Variants in PLEKHA1 observed in about 807,000 individuals in gnomAD.
PLEKHA1 encodes the protein pleckstrin homology domain-containing family A member 1.
In PLEKHA1, 34 loss-of-function variants were observed where a neutral mutation model predicts 52.0. The ratio of observed to expected loss-of-function variants is 0.65; its 90% confidence interval spans 0.50 to 0.87. The LOEUF (loss-of-function observed/expected upper bound fraction) is 0.87. PLEKHA1 is among the 40% of genes least tolerant of loss of function. The pLI is 0.00. For synonymous variants in PLEKHA1, 163 were observed against 170.7 expected, an observed-to-expected ratio of 0.95 and a Z score of 0.35; for missense variants, 497 against 504.2, an observed-to-expected ratio of 0.99 and a Z score of 0.14.
In PLEKHA1 at chr10:122,417,931, T is replaced by C; in HGVS notation, c.644T>C (p.Leu215Ser). 1 of 1,611,948 alleles carries C rather than the reference T, an allele frequency of 6.2e-7. No individual in the cohort carries two copies. The highest frequency in any genetic ancestry group is 8.5e-7 in the Non-Finnish European group (1 of 1,178,426). Reference sequence around the variant, plus strand: ...AACTGGAAGAGAAGATATTTTCAATTGGATGAAAACACAATAGGCTACTTC... The same window carrying C: ...AACTGGAAGAGAAGATATTTTCAATCGGATGAAAACACAATAGGCTACTTC... ...MKNWKRRYFQ[L>S]DENTIGYFKS... The change falls in exon 8 of 12, where the codon TTG (leucine) becomes TCG (serine). Residue 215 changes from leucine to serine, a missense_variant. Leu to Ser is a moderately radical substitution (Grantham distance 145). Coordinates refer to ENST00000368990, the MANE Select transcript of PLEKHA1 (RefSeq NM_001001974.4).
At chr10:122,391,070 C>T (rs2421019) in intron 1 of PLEKHA1, among the ~76,000 whole-genome samples, 47,387 of 151,572 alleles carry the variant, frequency 0.31, 8,023 homozygotes, top group Non-Finnish European at 0.4. Flanking sequence ...TCAAAGTTCT[C>T]GTTGACCATT....
At chr10:122,428,340 G>A in intron 11 of PLEKHA1, 1 of 1,545,878 alleles carries the variant, frequency 6.5e-7, no homozygotes, top group Non-Finnish European at 8.7e-7. Context: ...GCTGGTGAAT[G>A]CAGCACGTAT....
At chr10:122,392,766 C>T (rs962387088) in intron 1 of PLEKHA1, among the ~76,000 whole-genome samples, 2 of 152,100 alleles carry the variant, frequency 1.3e-5, no homozygotes, top group African/African-American at 4.8e-5. Context: ...CAGAGCCTAG[C>T]ATGTAGCAAG....
chr10:122,377,636 T>C (rs1448456431), intron 1 of PLEKHA1, among the ~76,000 whole-genome samples: 1 of 152,218 alleles, frequency 6.6e-6, no homozygotes, highest in East Asian at 1.9e-4. Flanking sequence ...GGGATGTTTT[T>C]ATGTAAACAT....
intron 1 of PLEKHA1, among the ~76,000 whole-genome samples, chr10:122,392,688 A>ATG (rs2096793298): frequency 6.6e-6 from 1 of 152,130 alleles, no homozygotes; most frequent in Non-Finnish European, 1.5e-5. Flanking sequence ...TCTGCTGGGG[A>ATG]TGATTATGCC....
intron 1 of PLEKHA1, among the ~76,000 whole-genome samples, chr10:122,391,956 TAA>T (rs2133980445): frequency 6.6e-6 from 1 of 152,288 alleles, no homozygotes; most frequent in Admixed American, 6.5e-5. Flanking sequence ...CACTGTAAGT[TAA>T]ATTTACCTTG....
intron 4 of PLEKHA1, 44 bp downstream of exon 4, chr10:122,400,432 T>C: frequency 6.6e-7 from 1 of 1,506,298 alleles, no homozygotes; most frequent in Non-Finnish European, 9.0e-7. Flanking sequence ...CTGATATAAT[T>C]GTATCATATT....
At chr10:122,375,847 T>A (rs1425517849) in intron 1 of PLEKHA1, among the ~76,000 whole-genome samples, 1 of 152,222 alleles carries the variant, frequency 6.6e-6, no homozygotes, top group East Asian at 1.9e-4. Context: ...GTTTTCTTAT[T>A]TTACAATTGA....
At chr10:122,377,758 A>G (rs1173203227) in intron 1 of PLEKHA1, among the ~76,000 whole-genome samples, 1 of 152,084 alleles carries the variant, frequency 6.6e-6, no homozygotes, top group Non-Finnish European at 1.5e-5. Flanking sequence ...CTAATAAGGG[A>G]TATGTGAGTT....
At chr10:122,424,364 T>G in intron 9 of PLEKHA1, 101 bp downstream of exon 9, 1 of 1,315,756 alleles carries the variant, frequency 7.6e-7, no homozygotes, top group Non-Finnish European at 1.0e-6. Context: ...TCCATATTAA[T>G]TGTAGTTATT....
chr10:122,415,480 A>G (rs1449592324), intron 6 of PLEKHA1, among the ~76,000 whole-genome samples: 1 of 152,228 alleles, frequency 6.6e-6, no homozygotes, highest in Admixed American at 6.5e-5. Flanking sequence ...GGTTGTGCCA[A>G]TGTCCATTTC....
At chr10:122,415,513 C>T (rs985994971) in intron 6 of PLEKHA1, among the ~76,000 whole-genome samples, 13 of 152,164 alleles carry the variant, frequency 8.5e-5, no homozygotes, top group Non-Finnish European at 1.6e-4. Context: ...AATGTTACGC[C>T]GTTTCCCTTT....
intron 5 of PLEKHA1, among the ~76,000 whole-genome samples, chr10:122,410,124 T>C (rs935777574): frequency 1.3e-5 from 2 of 152,232 alleles, no homozygotes; most frequent in African/African-American, 4.8e-5. Context: ...ATATCAACTT[T>C]CCCTTTAACT....
chr10:122,433,498 C>T (rs368871519), downstream of PLEKHA1: 3 of 150,194 alleles, frequency 2.0e-5, no homozygotes, highest in East Asian at 2.0e-4. Context: ...GCATTCCGCA[C>T]CTCCTCTCCA....
chr10:122,438,792 C>G, the PLEKHA1 span: 2 of 152,194 alleles, frequency 1.3e-5, no homozygotes, highest in African/African-American at 4.8e-5. Flanking sequence ...TTTGGCTTCC[C>G]TGGGCCCCAG....
chr10:122,376,650 C>CT (rs1008250685), intron 1 of PLEKHA1, among the ~76,000 whole-genome samples: 51 of 152,012 alleles, frequency 3.4e-4, no homozygotes, highest in African/African-American at 1.1e-3. Context: ...AGGTTTGTAT[C>CT]TTTTTTTCTC....
chr10:122,425,278 T>C (rs898592517), intron 10 of PLEKHA1: 9 of 196,202 alleles, frequency 4.6e-5, no homozygotes, highest in Non-Finnish European at 8.2e-5. Flanking sequence ...TTTTCTATTA[T>C]ATCATTTTTT....
rs572174501 is a variant in PLEKHA1, at chr10:122,393,533, T to G, written c.141+192T>G. On this transcript the variant is annotated intron_variant, in intron 2 of 11. Coordinates refer to ENST00000368990, the MANE Select transcript of PLEKHA1 (RefSeq NM_001001974.4). The surrounding 1 kb of genome is among the most constrained non-coding windows in gnomAD (Gnocchi z 4.5). ...GAATTTCAGAAGGTGAAACTAAGTTTATTTGATAAAAATTAATGCTTCTGT... is the reference window on the plus strand; with the variant it reads ...GAATTTCAGAAGGTGAAACTAAGTTGATTTGATAAAAATTAATGCTTCTGT... Among the ~76,000 whole-genome samples the G allele has an allele frequency of 1.1e-4, 17 of 152,360 alleles. No homozygotes were observed. The highest frequency in any genetic ancestry group is 3.8e-4 in the African/African-American group (16 of 41,592).
Position 122,426,955 on chromosome 10 carries a change from A to C in PLEKHA1, c.824A>C (p.Glu275Ala). 6.2e-7 allele frequency: 1 copy of C among 1,613,982 alleles called. No individual in the cohort carries two copies. ...RTFYVQADSPEEMHSWIKAVS... is the reference protein window; with the variant it reads ...RTFYVQADSPAEMHSWIKAVS... ...TTTTTCCTTTAGGCTGATAGCCCTG[A>C]AGAGATGCACAGTTGGATTAAAGCA... Residue 275 changes from glutamate to alanine, a missense_variant, in exon 11 of 12, where the codon GAA (glutamate) becomes GCA (alanine). Physicochemically the swap from Glu to Ala is moderately radical, Grantham distance 107. Coordinates refer to ENST00000368990, the MANE Select transcript of PLEKHA1 (RefSeq NM_001001974.4).
Sources: allele counts gnomAD v4.1 joint callset (sites outside exome capture counted in the v4.1 genomes callset), GRCh38; gene constraint gnomAD v4.1.1; non-coding constraint Gnocchi (gnomAD v3.1); transcripts MANE v1.5; gene names NCBI Gene and HGNC (gene_info 2026-07-23, HGNC 2026-07-21).